Variants in PFKFB3 observed in about 807,000 individuals in gnomAD.
PFKFB3 encodes 6-phosphofructo-2-kinase/fructose-2,6-biphosphatase 3.
A neutral mutation model predicts 68.0 loss-of-function variants in PFKFB3; 33 were observed. The ratio of observed to expected loss-of-function variants is 0.49; its 90% CI spans 0.37 to 0.65. The LOEUF (loss-of-function observed/expected upper bound fraction) is 0.65. Ranked by LOEUF, PFKFB3 falls within the 30% of genes least tolerant of loss-of-function variation. PFKFB3 has a pLI of 0.00. For synonymous variants in PFKFB3, 315 were observed against 288.2 expected, an observed-to-expected ratio of 1.09 and a Z score of -0.94; for missense variants, 586 against 712.2, an observed-to-expected ratio of 0.82 and a Z score of 2.02.
chr10:6,323,104 C>A, the PFKFB3 span, among the ~76,000 whole-genome samples: 1 of 152,202 alleles, frequency 6.6e-6, no homozygotes, highest in Non-Finnish European at 1.5e-5. Flanking sequence ...AAGCCTCACA[C>A]AGGATATGCT....
At chr10:6,231,089 G>A (rs545187482) in intron 14 of PFKFB3, among the ~76,000 whole-genome samples, 3 of 152,202 alleles carry the variant, frequency 2.0e-5, no homozygotes, top group Admixed American at 2.0e-4. Context: ...TGGTGCTCTG[G>A]GGTGCCTTCC....
chr10:6,293,939 G>T, the PFKFB3 span: 1 of 489,274 alleles, frequency 2.0e-6, no homozygotes, highest in Non-Finnish European at 4.1e-6. Context: ...TTTCCATCTT[G>T]GTCCTTATGG....
chr10:6,304,553 G>A, the PFKFB3 span, among the ~76,000 whole-genome samples: 6 of 150,784 alleles, frequency 4.0e-5, no homozygotes, highest in Non-Finnish European at 8.8e-5. Flanking sequence ...AAGAGACAGA[G>A]TTTCACCATG....
the PFKFB3 span, among the ~76,000 whole-genome samples, chr10:6,276,475 G>T: frequency 6.6e-6 from 1 of 151,824 alleles, no homozygotes; most frequent in Non-Finnish European, 1.5e-5. Flanking sequence ...TTTAGCTGCA[G>T]ACAGGATAGT....
intron 1 of PFKFB3, among the ~76,000 whole-genome samples, chr10:6,177,399 T>TC (rs1842519752): frequency 2.3e-5 from 3 of 132,836 alleles, no homozygotes; most frequent in Admixed American, 1.6e-4. Context: ...TTTCTTTCTT[T>TC]CTTTCTTTCT....
At chr10:6,217,538 G>A (rs77790077) in intron 6 of PFKFB3, among the ~76,000 whole-genome samples, 4,377 of 114,406 alleles carry the variant, frequency 0.038, 92 homozygotes, top group South Asian at 0.14. Flanking sequence ...AATGGGACAG[G>A]TGGCAGCAAG....
intron 1 of PFKFB3, among the ~76,000 whole-genome samples, chr10:6,171,477 T>C (rs1287826347): frequency 2.6e-5 from 4 of 151,690 alleles, no homozygotes; most frequent in Non-Finnish European, 5.9e-5. Flanking sequence ...CTCACTGCAG[T>C]CTCAACCTCC....
Position 6,215,897 on chromosome 10 carries a change from G to T in PFKFB3, c.300-228G>T, listed in dbSNP as rs779334682. 6.6e-6 allele frequency among the ~76,000 whole-genome samples: 1 copy of T among 152,106 alleles called. No homozygotes were observed. Among genetic ancestry groups the T allele is most frequent in the Non-Finnish European group, 1.5e-5 (1 of 68,016 alleles). ...GCAGCTCCCCAGGAGTGGTTCCCGCGTGCAGCCCGGTTTGAGCACCGCCTC... is the reference window on the plus strand; with the variant it reads ...GCAGCTCCCCAGGAGTGGTTCCCGCTTGCAGCCCGGTTTGAGCACCGCCTC... On this transcript the variant is annotated intron_variant, in intron 3 of 14. Transcript: ENST00000379775. This position sits in a 1 kb window ranked among gnomAD's most constrained non-coding sequence, Gnocchi z 4.3.
chr10:6,263,830 C>T, the PFKFB3 span, among the ~76,000 whole-genome samples: 28 of 152,170 alleles, frequency 1.8e-4, no homozygotes, highest in Non-Finnish European at 3.2e-4. Flanking sequence ...GTATTAAAGG[C>T]GTGTGCCACC....
chr10:6,275,471 C>CA, the PFKFB3 span, among the ~76,000 whole-genome samples: 1 of 152,240 alleles, frequency 6.6e-6, no homozygotes, highest in South Asian at 2.1e-4. This position sits in a 1 kb window ranked among gnomAD's most constrained non-coding sequence, Gnocchi z 4.9. Flanking sequence ...GTGATGGAGT[C>CA]AGGCCTCTGC....
rs1334006506 is a variant in PFKFB3 at position 6,220,222 on chromosome 10, C to T, written c.624-436C>T. Among the ~76,000 whole-genome samples the T allele has an allele frequency of 6.6e-6, 1 of 151,936 alleles. No individual in the cohort carries two copies. Among genetic ancestry groups the T allele is most frequent in the Non-Finnish European group, 1.5e-5 (1 of 68,014 alleles). ...GCTCAAGTAATCCTACCGCCTCAGCCTCATGAGTAACTGGGACTACAGGTG... is the reference window on the plus strand; with the variant it reads ...GCTCAAGTAATCCTACCGCCTCAGCTTCATGAGTAACTGGGACTACAGGTG... On this transcript the variant is annotated intron_variant, in intron 7 of 14. Coordinates refer to ENST00000379775, the MANE Select transcript of PFKFB3 (RefSeq NM_004566.4). The surrounding 1 kb of genome is among the most constrained non-coding windows in gnomAD (Gnocchi z 4.1).
rs111445480 is a variant in PFKFB3, at chr10:6,253,314, G to A, written c.1516-864G>A. ...CTGCTTCTTTTGAAAAGGCTTGACT[G>A]TTAGTCTTCTTCCTAGGTGGCTTCT... is the stretch of plus-strand genomic sequence containing the variant. On this transcript the variant is annotated intron_variant, in intron 14 of 14. Coordinates refer to the PFKFB3 transcript ENST00000640683. 2.1e-3 allele frequency among the ~76,000 whole-genome samples: 318 copies of A among 152,334 alleles called. 1 individual carries two copies. Among genetic ancestry groups the A allele is most frequent in the African/African-American group, 7.2e-3 (299 of 41,580 alleles).
chr10:6,245,228 C>G (rs931983124), intron 14 of PFKFB3, among the ~76,000 whole-genome samples: 1 of 151,964 alleles, frequency 6.6e-6, no homozygotes, highest in Admixed American at 6.6e-5. Context: ...TCCCGAGTAG[C>G]TGGGATTACA....
At chr10:6,264,569 T>C in the PFKFB3 span, among the ~76,000 whole-genome samples, 1 of 152,230 alleles carries the variant, frequency 6.6e-6, no homozygotes, top group Non-Finnish European at 1.5e-5. Flanking sequence ...TTCTTAGGTA[T>C]TTGATTTTTT....
intron 1 of PFKFB3, among the ~76,000 whole-genome samples, chr10:6,149,357 C>T (rs1463378424): frequency 2.0e-5 from 3 of 150,562 alleles, no homozygotes; most frequent in Non-Finnish European, 2.9e-5. Context: ...GAGGCCAAGG[C>T]GGGTGGATCA....
chr10:6,241,910 A>T (rs1430102014), intron 14 of PFKFB3, among the ~76,000 whole-genome samples: 1 of 150,820 alleles, frequency 6.6e-6, no homozygotes, highest in Non-Finnish European at 1.5e-5. Context: ...CAGTTGCACA[A>T]TTATAGCTGA....
the PFKFB3 span, among the ~76,000 whole-genome samples, chr10:6,283,540 A>ATATGGAGGCCGGAAGACTCAGCCCACGCT: frequency 1.3e-5 from 2 of 151,152 alleles, no homozygotes; most frequent in African/African-American, 4.9e-5. Context: ...CATGGGAGAA[A>ATATGGAGGCCGGAAGACTCAGCCCACGCT]GATGGAGGCT....
chr10:6,181,677 G>A (rs1842716008), intron 1 of PFKFB3, among the ~76,000 whole-genome samples: 1 of 151,900 alleles, frequency 6.6e-6, no homozygotes, highest in African/African-American at 2.4e-5. Flanking sequence ...ACACATCTGT[G>A]GGCCTAGTTA....
intron 1 of PFKFB3, among the ~76,000 whole-genome samples, chr10:6,190,378 T>TC (rs770395120): frequency 6.6e-6 from 1 of 152,270 alleles, no homozygotes; most frequent in African/African-American, 2.4e-5. Context: ...GATATTCTAC[T>TC]CTAAGGAAAA....
Sources: allele counts gnomAD v4.1 joint callset (sites outside exome capture counted in the v4.1 genomes callset), GRCh38; gene constraint gnomAD v4.1.1; non-coding constraint Gnocchi (gnomAD v3.1); transcripts MANE v1.5; gene names NCBI Gene and HGNC (gene_info 2026-07-23, HGNC 2026-07-21).